The following ITK variants were observed in gnomAD, a reference collection of about 807,000 sequenced individuals.
ITK encodes tyrosine-protein kinase ITK/TSK.
Under a neutral mutation model 87.6 loss-of-function variants are expected in ITK, and 45 were observed. The ratio of observed to expected loss-of-function variants is 0.51; its 90% CI spans 0.40 to 0.66. ITK has a LOEUF of 0.66. Ranked by LOEUF, ITK falls within the 30% of genes least tolerant of loss-of-function variation. ITK has a pLI of 0.00. For missense variants in ITK, 605 were observed against 766.3 expected, an observed-to-expected ratio of 0.79 and a Z score of 2.48; for synonymous variants, 303 against 273.6, an observed-to-expected ratio of 1.11 and a Z score of -1.06.
intron 8 of ITK, among the ~76,000 whole-genome samples, chr5:157,235,955 G>T (rs1754767127): frequency 6.6e-6 from 1 of 152,174 alleles, no homozygotes; most frequent in Admixed American, 6.5e-5. Context: ...TACTCTAATA[G>T]TTCTTGTCCT....
At chr5:157,222,408 C>T (rs1046883637) in intron 5 of ITK, among the ~76,000 whole-genome samples, 1 of 152,160 alleles carries the variant, frequency 6.6e-6, no homozygotes, top group African/African-American at 2.4e-5. Context: ...CCTCAGTTTC[C>T]TCATCCTAAA....
At position 157,214,366 on chromosome 5, in the gene ITK, A is replaced by C. The variant is rs772486608; in HGVS notation, c.454+47A>C. ...CTAGTTTTTGTGAAATGACCATAAAAAAGTAAAAGCTTTTGGCCTTTAATC... is the reference window on the plus strand; with the variant it reads ...CTAGTTTTTGTGAAATGACCATAAACAAGTAAAAGCTTTTGGCCTTTAATC... On this transcript the variant is annotated intron_variant, in intron 4 of 16. Coordinates refer to ENST00000422843, the MANE Select transcript of ITK (RefSeq NM_005546.4). 6.3e-5 allele frequency: 97 copies of C among 1,545,970 alleles called. No individual in the cohort carries two copies. In the East Asian group the frequency reaches 2.2e-3, roughly 35 times the overall value.
In ITK at chr5:157,208,914, T is replaced by C. The variant is rs200593448; in HGVS notation, c.164T>C (p.Ile55Thr). Residue 55 changes from isoleucine to threonine, a missense_variant, in exon 2 of 17, where the codon ATT becomes ACT. By Grantham distance (89) the Ile-to-Thr change is moderately conservative. Coordinates refer to ENST00000422843, the MANE Select transcript of ITK (RefSeq NM_005546.4). ...HGKKRTLKGS[I>T]ELSRIKCVEI... ...AAGAAGCGCACGCTGAAGGGGTCCATTGAGCTCTCCCGAATCAAATGTGTT... is the reference window on the plus strand; with the variant it reads ...AAGAAGCGCACGCTGAAGGGGTCCACTGAGCTCTCCCGAATCAAATGTGTT... 11 of 1,613,968 alleles carry C rather than the reference T, an allele frequency of 6.8e-6. No individual in the cohort carries two copies. Among genetic ancestry groups the C allele is most frequent in the East Asian group, 2.2e-5 (1 of 44,862 alleles).
At chr5:157,224,736 A>C (rs1163152878) in intron 6 of ITK, among the ~76,000 whole-genome samples, 2 of 152,144 alleles carry the variant, frequency 1.3e-5, no homozygotes, top group African/African-American at 4.8e-5. Context: ...GGCCAAGCTC[A>C]CACCACTGCA....
chr5:157,227,483 G>T (rs1754555479), intron 6 of ITK, among the ~76,000 whole-genome samples: 1 of 152,056 alleles, frequency 6.6e-6, no homozygotes, highest in African/African-American at 2.4e-5. Flanking sequence ...CAATTAGGGA[G>T]GCCTTAAATT....
At chr5:157,188,246 C>T (rs1169610694) in intron 1 of ITK, among the ~76,000 whole-genome samples, 2 of 152,124 alleles carry the variant, frequency 1.3e-5, no homozygotes, top group African/African-American at 4.8e-5. Flanking sequence ...AGTCTGTTAT[C>T]CACACAACAC....
At chr5:157,213,915 G>A (rs1300307927) in intron 3 of ITK, among the ~76,000 whole-genome samples, 2 of 152,182 alleles carry the variant, frequency 1.3e-5, no homozygotes, top group Admixed American at 1.3e-4. Flanking sequence ...GGAAACTGAG[G>A]CTCAGATAAG....
intron 10 of ITK, 107 bp downstream of exon 10, chr5:157,240,302 G>C: frequency 1.8e-6 from 2 of 1,081,638 alleles, no homozygotes. Context: ...AGCGTCATTA[G>C]ATTCTCATAA....
intron 1 of ITK, among the ~76,000 whole-genome samples, chr5:157,191,115 GTTTT>G (rs1276782978): frequency 6.8e-6 from 1 of 146,460 alleles, no homozygotes; most frequent in African/African-American, 2.6e-5. Context: ...GTTGTCTTAT[GTTTT>G]TTTATTTATT....
intron 4 of ITK, among the ~76,000 whole-genome samples, chr5:157,217,070 C>T (rs1754312788): frequency 6.6e-6 from 1 of 152,026 alleles, no homozygotes; most frequent in African/African-American, 2.4e-5. Context: ...GCCTCCCGTA[C>T]CACAGAGAGC....
At chr5:157,229,353 A>C (rs1754601339) in intron 7 of ITK, among the ~76,000 whole-genome samples, 1 of 152,216 alleles carries the variant, frequency 6.6e-6, no homozygotes, top group Admixed American at 6.5e-5. Context: ...CGTCTGAAAC[A>C]GTCAATCCAA....
At chr5:157,223,877 T>C (rs1267214028) in intron 6 of ITK, among the ~76,000 whole-genome samples, 1 of 152,220 alleles carries the variant, frequency 6.6e-6, no homozygotes, top group African/African-American at 2.4e-5. Context: ...AAAAGAAAAC[T>C]GTCCTTGCAA....
At chr5:157,209,239 G>A (rs550739515) in intron 2 of ITK, among the ~76,000 whole-genome samples, 3 of 152,020 alleles carry the variant, frequency 2.0e-5, no homozygotes, top group South Asian at 2.1e-4. Flanking sequence ...GGCTGAGACA[G>A]GAGAATTGTT....
intron 2 of ITK, among the ~76,000 whole-genome samples, chr5:157,209,458 A>G (rs1479575449): frequency 6.6e-6 from 1 of 152,196 alleles, no homozygotes; most frequent in African/African-American, 2.4e-5. Flanking sequence ...TCCATCAGTG[A>G]CATTTATTTG....
chr5:157,223,881 C>T (rs1286347544), intron 6 of ITK, among the ~76,000 whole-genome samples: 1 of 152,076 alleles, frequency 6.6e-6, no homozygotes, highest in East Asian at 1.9e-4. Flanking sequence ...GAAAACTGTC[C>T]TTGCAACATA....
rs2113757917 is a variant in ITK at position 157,217,852 on chromosome 5, T to A, written c.455-15T>A. 2 of 1,613,038 alleles carry A rather than the reference T, an allele frequency of 1.2e-6. No homozygotes were observed. The highest frequency in any genetic ancestry group is 3.3e-5 in the Admixed American group (2 of 60,012). On this transcript the variant is annotated splice_polypyrimidine_tract_variant and intron_variant, in intron 4 of 16. Transcript: ENST00000422843. ...TTCATGCTCATTTTTTCTTTTCCTGTTTTTCTCTTTTCAGCTTCAAAGAAG... is the reference window on the plus strand; with the variant it reads ...TTCATGCTCATTTTTTCTTTTCCTGATTTTCTCTTTTCAGCTTCAAAGAAG...
At chr5:157,212,936 A>G (rs528524749) in intron 3 of ITK, among the ~76,000 whole-genome samples, 2 of 152,324 alleles carry the variant, frequency 1.3e-5, no homozygotes, top group Admixed American at 1.3e-4. Flanking sequence ...TTTTATACAC[A>G]GGGTGTTAAA....
chr5:157,214,631 G>A lies in ITK; in HGVS notation c.454+312G>A, dbSNP rs1454545158. ...TAGATCAGAATTTTCATTTTAACAAGATCCCAGGAGACTTATGTGCACAGT... is the reference window on the plus strand; with the variant it reads ...TAGATCAGAATTTTCATTTTAACAAAATCCCAGGAGACTTATGTGCACAGT... On this transcript the variant is annotated intron_variant, in intron 4 of 16. Coordinates refer to ENST00000422843, the MANE Select transcript of ITK (RefSeq NM_005546.4). 2.0e-5 allele frequency among the ~76,000 whole-genome samples: 3 copies of A among 151,946 alleles called. No individual in the cohort carries two copies. The South Asian group carries it at 6.2e-4, about 32-fold the overall frequency.
intron 1 of ITK, among the ~76,000 whole-genome samples, chr5:157,186,682 AAGAGAG>A (rs61141972): frequency 0.014 from 2,109 of 148,624 alleles, 32 homozygotes; most frequent in African/African-American, 0.035. Context: ...GTCTCAAAAA[AAGAGAG>A]AGAGAGAGAG....
Sources: gnomAD v4.1 joint callset for allele counts (sites outside exome capture counted in the v4.1 genomes callset) on GRCh38, gnomAD v4.1.1 for gene constraint, MANE v1.5 for transcripts, NCBI Gene and HGNC (gene_info 2026-07-23, HGNC 2026-07-21) for gene names.